PSMA3: variants seen among roughly 807,000 people sequenced by gnomAD.
PSMA3 encodes the protein proteasome subunit alpha type-3.
PSMA3 carries 8 observed loss-of-function variants against 40.0 expected under a neutral mutation model. The ratio of observed to expected loss-of-function variants is 0.20; its 90% CI spans 0.12 to 0.36. The LOEUF is 0.36. PSMA3 is among the 10% of genes least tolerant of loss of function. PSMA3 has a pLI of 1.00. For missense variants in PSMA3, 219 were observed against 310.6 expected, an observed-to-expected ratio of 0.70 and a Z score of 2.22; for synonymous variants, 110 against 100.0, an observed-to-expected ratio of 1.10 and a Z score of -0.59.
At chr14:58,265,246 G>A (rs958019611) in intron 7 of PSMA3, 1 of 152,144 alleles carries the variant, frequency 6.6e-6, no homozygotes, top group African/African-American at 2.4e-5. Flanking sequence ...CAGGGCAACA[G>A]AGCGACACCT....
chr14:58,258,653 T>C (rs1340662704), intron 5 of PSMA3, among the ~76,000 whole-genome samples: 1 of 152,000 alleles, frequency 6.6e-6, no homozygotes, highest in Non-Finnish European at 1.5e-5. Flanking sequence ...TGATATTTTA[T>C]TGTGGGGTAA....
Position 58,247,846 on chromosome 14 carries a change from A to T in PSMA3, c.104+14A>T. On this transcript the variant is annotated intron_variant, in intron 2 of 10. Transcript: ENST00000216455. ...GGAAAATAGTAGGTAAGAAACATTT[A>T]ACCAGGTATTACATGTCTCCTTTTA... is the stretch of plus-strand genomic sequence containing the variant. The T allele has an allele frequency of 6.5e-7, 1 of 1,530,848 alleles. No individual in the cohort carries two copies. Among genetic ancestry groups the T allele is most frequent in the Non-Finnish European group, 9.0e-7 (1 of 1,112,594 alleles). The allele number at this position is 1,530,848 out of a possible 1,614,324, so 94.8% of individuals were successfully genotyped here.
intron 7 of PSMA3, chr14:58,267,245 G>A (rs932666632): frequency 1.6e-6 from 1 of 633,788 alleles, no homozygotes; most frequent in Non-Finnish European, 2.1e-6. Context: ...CAGGCAATCC[G>A]GCCGCCTCGG....
At chr14:58,271,825 T>C (rs768997350) in intron 10 of PSMA3, 26 bp from the exon 11 acceptor site, 1 of 1,572,598 alleles carries the variant, frequency 6.4e-7, no homozygotes, top group Non-Finnish European at 8.7e-7. Context: ...AAAAATCAAT[T>C]TTAAACACCT....
chr14:58,245,975 C>A (rs1889871450), intron 1 of PSMA3, among the ~76,000 whole-genome samples: 2 of 152,172 alleles, frequency 1.3e-5, no homozygotes, highest in African/African-American at 4.8e-5. Flanking sequence ...ACTGACTTTG[C>A]AATTATATTA....
chr14:58,270,594 T>C (rs1367343192), intron 9 of PSMA3, 109 bp downstream of exon 9: 2 of 1,541,630 alleles, frequency 1.3e-6, no homozygotes, highest in African/African-American at 2.8e-5. Flanking sequence ...ATTTACTAGG[T>C]TGTCTAATGA....
rs1489023927 is a variant in PSMA3, at chr14:58,256,394, A to G, written c.229-1351A>G. ...TCCTTAATCTGAAAATTCAAAATCC[A>G]AAAAGCTCTACTGAGCATTTCCTTT... On this transcript the variant is annotated intron_variant, in intron 3 of 10. Transcript: ENST00000216455. Among the ~76,000 whole-genome samples the G allele has an allele frequency of 7.2e-5, 11 of 151,968 alleles. No individual in the cohort carries two copies. In the East Asian group the frequency reaches 2.1e-3, roughly 29 times the overall value.
intron 3 of PSMA3, among the ~76,000 whole-genome samples, chr14:58,256,478 G>A (rs952595055): frequency 6.8e-6 from 1 of 147,908 alleles, no homozygotes; most frequent in Non-Finnish European, 1.5e-5. Context: ...GCAGTGGCGC[G>A]ATCTCGGCTC....
chr14:58,258,469 A>G (rs1222946551), intron 5 of PSMA3: 3 of 152,602 alleles, frequency 2.0e-5, no homozygotes, highest in Non-Finnish European at 2.9e-5. Flanking sequence ...AAAAGGTTTC[A>G]ATAGTGAAAA....
intron 1 of PSMA3, chr14:58,245,212 GT>G (rs1821161362): frequency 2.1e-6 from 1 of 475,748 alleles, no homozygotes; most frequent in African/African-American, 1.9e-5. Context: ...GGATTGCTGA[GT>G]CACTTTCTTC....
In PSMA3 at chr14:58,270,411, A is replaced by G. The variant is rs202104186; in HGVS notation, c.591-7A>G. 130 of 1,613,128 alleles carry G rather than the reference A, an allele frequency of 8.1e-5. No homozygotes were observed. In the East Asian group the frequency reaches 2.4e-3, roughly 30 times the overall value. ...CCAAAATCTTACCTTTCCCTTTTCT[A>G]TTCTAGAATTTACATAGTACATGAC... On this transcript the variant is annotated splice_region_variant and splice_polypyrimidine_tract_variant and intron_variant, in intron 8 of 10. Coordinates refer to ENST00000216455, the MANE Select transcript of PSMA3 (RefSeq NM_002788.4).
At chr14:58,249,508 A>T (rs1181115940) in intron 2 of PSMA3, among the ~76,000 whole-genome samples, 1 of 151,530 alleles carries the variant, frequency 6.6e-6, no homozygotes, top group African/African-American at 2.4e-5. Flanking sequence ...CTTTTTTTTA[A>T]AAAAAACTTT....
intron 2 of PSMA3, among the ~76,000 whole-genome samples, chr14:58,248,328 C>T (rs1889923526): frequency 1.3e-5 from 2 of 152,182 alleles, no homozygotes; most frequent in African/African-American, 4.8e-5. Flanking sequence ...CTCCTGGGTT[C>T]AAGTGATTCT....
chr14:58,257,618 T>TA, intron 3 of PSMA3, 127 bp from the exon 4 acceptor site: 1 of 752,342 alleles, frequency 1.3e-6, no homozygotes, highest in Admixed American at 2.7e-5. Flanking sequence ...GAGAGACCTT[T>TA]AAGCCAAAAA....
At chr14:58,251,909 G>A (rs1202621943) in intron 2 of PSMA3, among the ~76,000 whole-genome samples, 1 of 152,090 alleles carries the variant, frequency 6.6e-6, no homozygotes, top group Non-Finnish European at 1.5e-5. Flanking sequence ...GTCAAATGAT[G>A]TACTAGATTC....
intron 8 of PSMA3, chr14:58,269,515 C>A (rs1264837572): frequency 6.6e-6 from 1 of 151,962 alleles, no homozygotes; most frequent in Non-Finnish European, 1.5e-5. Context: ...TCACTGCAGC[C>A]CCTACCTCCT....
intron 8 of PSMA3, chr14:58,268,054 A>G (rs1890497928): frequency 6.6e-6 from 1 of 152,254 alleles, no homozygotes; most frequent in Middle Eastern, 3.2e-3. Flanking sequence ...AACCCTGAAT[A>G]GTTTATTACA....
intron 1 of PSMA3, among the ~76,000 whole-genome samples, chr14:58,246,148 T>G (rs1889875415): frequency 6.6e-6 from 1 of 152,208 alleles, no homozygotes. Context: ...GCTTTTCTTC[T>G]GTCTTCATTT....
chr14:58,251,101 TA>T (rs888204330), intron 2 of PSMA3, among the ~76,000 whole-genome samples: 53 of 151,656 alleles, frequency 3.5e-4, no homozygotes, highest in Non-Finnish European at 6.5e-4. Context: ...TCTTTAAAAT[TA>T]AAAAAAAGAA....
Sources: gnomAD v4.1 joint callset for allele counts (sites outside exome capture counted in the v4.1 genomes callset) on GRCh38, gnomAD v4.1.1 for gene constraint, MANE v1.5 for transcripts, NCBI Gene and HGNC (gene_info 2026-07-23, HGNC 2026-07-21) for gene names.